The following CAPN9 variants were observed in gnomAD, a reference collection of about 807,000 sequenced individuals.
CAPN9 encodes the protein calpain-9.
A neutral mutation model predicts 92.8 loss-of-function variants in CAPN9; 81 were observed. The observed-to-expected ratio is 0.87, with a 90% CI of 0.73 to 1.05. CAPN9 has a LOEUF of 1.05. Ranked by LOEUF, CAPN9 falls within the 50% of genes least tolerant of loss-of-function variation. The pLI, the probability that CAPN9 is intolerant of heterozygous loss-of-function variation, is 0.00. For synonymous variants in CAPN9, 304 were observed against 328.0 expected (o/e 0.93, Z 0.79); for missense variants, 848 against 866.2 (o/e 0.98, Z 0.26).
At chr1:230,785,951 TTGAGGCAG>T in intron 11 of CAPN9, 22 bp from the exon 12 acceptor site, 1 of 1,610,716 alleles carries the variant, frequency 6.2e-7, no homozygotes, top group Non-Finnish European at 8.5e-7. Context: ...TAATCCACAA[TTGAGGCAG>T]TGTGTTTTTC....
chr1:230,789,242 T>C (rs1251981332), intron 13 of CAPN9, among the ~76,000 whole-genome samples: 1 of 147,044 alleles, frequency 6.8e-6, no homozygotes, highest in African/African-American at 2.7e-5. Flanking sequence ...CTGGGCATCC[T>C]GGGAAAAAAA....
chr1:230,795,799 T>C (rs950385645), intron 18 of CAPN9, among the ~76,000 whole-genome samples: 3 of 152,128 alleles, frequency 2.0e-5, no homozygotes, highest in Non-Finnish European at 4.4e-5. Flanking sequence ...GAGTGAAGCA[T>C]GTCCAGGGCC....
chr1:230,797,858 C>T (rs1161061048), intron 18 of CAPN9, among the ~76,000 whole-genome samples: 3 of 152,156 alleles, frequency 2.0e-5, no homozygotes, highest in South Asian at 4.1e-4. Flanking sequence ...TTTCAAGGGC[C>T]CTGTACCCCC....
intron 4 of CAPN9, among the ~76,000 whole-genome samples, chr1:230,765,479 T>G (rs957262103): frequency 3.9e-5 from 6 of 152,046 alleles, no homozygotes; most frequent in African/African-American, 1.4e-4. Flanking sequence ...GCCAACATGA[T>G]GAAACTCAGT....
chr1:230,795,412 G>T, intron 18 of CAPN9, 133 bp downstream of exon 18: 1 of 634,210 alleles, frequency 1.6e-6, no homozygotes, highest in Non-Finnish European at 2.9e-6. Context: ...GATGTGTGTG[G>T]ACCCATGGGC....
chr1:230,760,005 T>C (rs926281490), intron 3 of CAPN9, among the ~76,000 whole-genome samples: 1 of 152,236 alleles, frequency 6.6e-6, no homozygotes, highest in African/African-American at 2.4e-5. Context: ...GTTCTCTTTA[T>C]GGAAGAATTG....
intron 18 of CAPN9, among the ~76,000 whole-genome samples, chr1:230,797,160 T>C (rs1280780030): frequency 6.6e-6 from 1 of 152,162 alleles, no homozygotes; most frequent in Non-Finnish European, 1.5e-5. Context: ...GCACACAGCA[T>C]TGGGAGTTAC....
At chr1:230,784,433 T>A (rs1279222202) in intron 11 of CAPN9, among the ~76,000 whole-genome samples, 1 of 152,170 alleles carries the variant, frequency 6.6e-6, no homozygotes, top group Non-Finnish European at 1.5e-5. Flanking sequence ...AGGAAAAAAA[T>A]GGCTTCATGG....
chr1:230,783,011 C>T (rs942819531), intron 11 of CAPN9, among the ~76,000 whole-genome samples: 4 of 151,976 alleles, frequency 2.6e-5, no homozygotes, highest in Non-Finnish European at 4.4e-5. Context: ...AGTGAGACTC[C>T]GTCTAAAAAA....
chr1:230,791,493 T>A (rs1223928190), intron 14 of CAPN9, among the ~76,000 whole-genome samples: 1 of 152,218 alleles, frequency 6.6e-6, no homozygotes, highest in Non-Finnish European at 1.5e-5. Flanking sequence ...GGTCGTATAA[T>A]ACTTCATTAT....
At chr1:230,758,747 A>G (rs939346237) in intron 2 of CAPN9, among the ~76,000 whole-genome samples, 7 of 152,180 alleles carry the variant, frequency 4.6e-5, no homozygotes, top group Non-Finnish European at 7.4e-5. Flanking sequence ...ACTGAAAACA[A>G]GTGAATCTGG....
At chr1:230,749,366 A>C (rs1278203778) in intron 1 of CAPN9, among the ~76,000 whole-genome samples, 1 of 152,226 alleles carries the variant, frequency 6.6e-6, no homozygotes, top group Non-Finnish European at 1.5e-5. Context: ...CAGAAGTTAC[A>C]AGACATAAAA....
At chr1:230,773,876 T>G (rs1483451790) in intron 7 of CAPN9, among the ~76,000 whole-genome samples, 1 of 152,066 alleles carries the variant, frequency 6.6e-6, no homozygotes, top group Non-Finnish European at 1.5e-5. Flanking sequence ...TTTGAACTAT[T>G]TGGAGGCGGC....
chr1:230,791,392 A>C (rs1329281808), intron 14 of CAPN9, among the ~76,000 whole-genome samples: 1 of 152,218 alleles, frequency 6.6e-6, no homozygotes. Flanking sequence ...TGACTATTTC[A>C]CATTTTCACC....
Position 230,752,672 on chromosome 1 carries a change from G to A in CAPN9, c.214-2665G>A, listed in dbSNP as rs80253360. ...GCCCCAGGAGCTAGCACAGCCTGCT[G>A]GGCAGGGATCTGTGGCTTTTGGAGT... On this transcript the variant is annotated intron_variant, in intron 1 of 19. Coordinates refer to ENST00000271971, the MANE Select transcript of CAPN9 (RefSeq NM_006615.3). 4.6e-3 allele frequency: 4,503 copies of A among 985,230 alleles called. 150 individuals carry two copies. The African/African-American group carries it at 0.066, about 14-fold the overall frequency. 61.0% of individuals were successfully genotyped at this position (985,230 alleles called of 1,614,324 possible).
chr1:230,771,067 C>T (rs1666359494), intron 6 of CAPN9, among the ~76,000 whole-genome samples: 2 of 152,178 alleles, frequency 1.3e-5, no homozygotes, highest in African/African-American at 2.4e-5. Flanking sequence ...TCTACGTATT[C>T]CACGTAACAA....
rs1446272606 is a variant in CAPN9, at chr1:230,755,409, G to A, written c.283+3G>A. On this transcript the variant is annotated splice_donor_region_variant and intron_variant, in intron 2 of 19. Coordinates refer to ENST00000271971, the MANE Select transcript of CAPN9 (RefSeq NM_006615.3). ...TGATATCTGCCAGGGAGAGCTGGGT[G>A]AGTGTAAGTGGATGGAGCATGGCGA... 2 of 1,601,478 alleles carry A rather than the reference G, an allele frequency of 1.2e-6. No individual in the cohort carries two copies. The highest frequency in any genetic ancestry group is 1.3e-5 in the African/African-American group (1 of 74,356).
chr1:230,800,907 G>A (rs1038922135), intron 19 of CAPN9, among the ~76,000 whole-genome samples: 1 of 152,122 alleles, frequency 6.6e-6, no homozygotes, highest in Non-Finnish European at 1.5e-5. Flanking sequence ...GGCCTCACCT[G>A]CAATCACTTT....
At chr1:230,773,208 C>A (rs1666504852) in intron 7 of CAPN9, among the ~76,000 whole-genome samples, 1 of 152,176 alleles carries the variant, frequency 6.6e-6, no homozygotes, top group Admixed American at 6.5e-5. Context: ...TCATTGTCCC[C>A]ATGGAGGCTC....
Sources: allele counts gnomAD v4.1 joint callset (sites outside exome capture counted in the v4.1 genomes callset), GRCh38; gene constraint gnomAD v4.1.1; transcripts MANE v1.5; gene names NCBI Gene and HGNC (gene_info 2026-07-23, HGNC 2026-07-21).